The following DOCK3 variants were observed in gnomAD, a reference collection of about 807,000 sequenced individuals.
DOCK3 encodes dedicator of cytokinesis protein 3.
DOCK3 carries 60 observed loss-of-function variants against 265.6 expected under a neutral mutation model. That is an observed-to-expected ratio of 0.23 (90% CI 0.18 to 0.28). The LOEUF is 0.28. Among genes scored for constraint, DOCK3 ranks in the 10% least tolerant of loss-of-function variants. The pLI, the probability that DOCK3 is intolerant of heterozygous loss-of-function variation, is 1.00. For synonymous variants in DOCK3, 881 were observed against 938.0 expected (o/e 0.94, Z 1.11); for missense variants, 1,981 against 2,594.3 (o/e 0.76, Z 5.14).
intron 9 of DOCK3, among the ~76,000 whole-genome samples, chr3:51,115,756 C>G (rs2083707451): frequency 6.6e-6 from 1 of 152,132 alleles, no homozygotes; most frequent in Admixed American, 6.6e-5. Context: ...AGATTTTCTT[C>G]TAGGGTTTTT....
At chr3:50,808,180 G>A (rs577283076) in intron 2 of DOCK3, among the ~76,000 whole-genome samples, 21 of 152,288 alleles carry the variant, frequency 1.4e-4, no homozygotes, top group African/African-American at 4.6e-4. Flanking sequence ...AGACATTCAT[G>A]TTGAAAACTA....
rs2076777321 is a variant in DOCK3, at chr3:50,958,071, GAT to G, written c.315+23997_315+23998del. Among the ~76,000 whole-genome samples, 3 of 152,144 alleles carry G rather than the reference GAT, an allele frequency of 2.0e-5. No individual in the cohort carries two copies. In the East Asian group the frequency reaches 5.8e-4, roughly 29 times the overall value. Reference sequence around the variant, plus strand: ...TGTCACCCATAGCAATTCTTCCTTTGATATGTCTTCTAATTTCTCCTGTCTTT... The same window carrying G: ...TGTCACCCATAGCAATTCTTCCTTTGATGTCTTCTAATTTCTCCTGTCTTT... On this transcript the variant is annotated intron_variant, in intron 5 of 52. Transcript: ENST00000266037.
intron 5 of DOCK3, among the ~76,000 whole-genome samples, chr3:51,003,072 A>G (rs549870466): frequency 6.6e-6 from 1 of 152,242 alleles, no homozygotes; most frequent in Non-Finnish European, 1.5e-5. Context: ...ATGTGAATAC[A>G]TATTCCTAAC....
At chr3:51,194,907 C>A (rs1313446705) in intron 12 of DOCK3, among the ~76,000 whole-genome samples, 1 of 150,996 alleles carries the variant, frequency 6.6e-6, no homozygotes, top group Non-Finnish European at 1.5e-5. Flanking sequence ...TCACTGCAAC[C>A]TCTGCCTCCC....
chr3:50,794,311 A>G (rs1245459316), intron 2 of DOCK3, among the ~76,000 whole-genome samples: 5 of 152,100 alleles, frequency 3.3e-5, no homozygotes, highest in Admixed American at 1.3e-4. Flanking sequence ...TTGATGATCT[A>G]TTGAATACTG....
At chr3:51,059,745 C>G (rs2081343955) in intron 5 of DOCK3, among the ~76,000 whole-genome samples, 1 of 152,066 alleles carries the variant, frequency 6.6e-6, no homozygotes, top group Non-Finnish European at 1.5e-5. Flanking sequence ...TACCAGCTAC[C>G]TGTATCATTA....
At chr3:51,158,256 G>A (rs1187746757) in intron 10 of DOCK3, among the ~76,000 whole-genome samples, 2 of 152,112 alleles carry the variant, frequency 1.3e-5, no homozygotes, top group Admixed American at 1.3e-4. Context: ...CAAATAGAAT[G>A]ATTATCAGAT....
chr3:50,873,742 C>T (rs373827723), intron 3 of DOCK3, among the ~76,000 whole-genome samples: 2 of 152,244 alleles, frequency 1.3e-5, no homozygotes, highest in Middle Eastern at 3.4e-3. Context: ...AGCTATTCTC[C>T]TCTGCCTAGG....
rs368447292 is a variant in DOCK3, at chr3:51,229,550, G to A, written c.1858G>A (p.Asp620Asn). ...TCTGCTGAAGTGGAAAGCCTTCCCC[G>A]ACCGGATCATGGATGTACTAGGGCG... ...LALLKWKAFP[D>N]RIMDVLGRLR... Residue 620 changes from aspartate to asparagine, a missense_variant, in exon 19 of 53, where the codon GAC becomes AAC. By Grantham distance (23) the Asp-to-Asn change is conservative (BLOSUM62 1). This residue lies in a region of DOCK3 where 1,357 missense variants were observed against 1,866.8 expected (regional missense o/e 0.73). Transcript: ENST00000266037. The A allele has an allele frequency of 1.9e-5, 31 of 1,607,548 alleles. No homozygotes were observed. The highest frequency in any genetic ancestry group is 1.0e-4 in the Admixed American group (6 of 59,334).
chr3:51,308,804 G>C (rs542205747), intron 27 of DOCK3, among the ~76,000 whole-genome samples: 1 of 139,610 alleles, frequency 7.2e-6, no homozygotes, highest in African/African-American at 2.5e-5. Flanking sequence ...GCTGCCGGGC[G>C]GAGGGGCTCC....
intron 3 of DOCK3, chr3:50,863,355 A>G (rs2046999510): frequency 2.2e-5 from 11 of 510,672 alleles, no homozygotes; most frequent in Middle Eastern, 3.5e-4. Context: ...TGAGCTGGCT[A>G]CCCGGTTCTT....
chr3:51,109,393 T>G (rs1475897096), intron 9 of DOCK3, among the ~76,000 whole-genome samples: 1 of 152,146 alleles, frequency 6.6e-6, no homozygotes. Flanking sequence ...GGGAACTTTA[T>G]TGCACTAAAC....
At position 50,868,114 on chromosome 3, in the gene DOCK3, G is replaced by A. The variant is rs375262061; in HGVS notation, c.163-21912G>A. On this transcript the variant is annotated intron_variant, in intron 3 of 52. Coordinates refer to ENST00000266037, the MANE Select transcript of DOCK3 (RefSeq NM_004947.5). ...TTTTGAGATGGAGTCTCACTCTGTC[G>A]CCAGACTGGAGTGCAATGGCACAAT... Among the ~76,000 whole-genome samples the A allele has an allele frequency of 2.5e-3, 378 of 148,840 alleles. 3 individuals carry two copies. The highest frequency in any genetic ancestry group is 8.9e-3 in the African/African-American group (360 of 40,446).
chr3:51,059,824 A>G (rs2109222297), intron 5 of DOCK3, among the ~76,000 whole-genome samples: 2 of 152,204 alleles, frequency 1.3e-5, no homozygotes, highest in East Asian at 3.9e-4. Context: ...CCTCCTACCT[A>G]AATCAAACCC....
chr3:51,360,439 G>GT, intron 46 of DOCK3, 72 bp from the exon 47 acceptor site: 1 of 1,530,202 alleles, frequency 6.5e-7, no homozygotes, highest in Non-Finnish European at 8.9e-7. Flanking sequence ...TCACCAGTCA[G>GT]TTATTCCCTC....
Position 51,381,398 on chromosome 3 carries a change from T to G in DOCK3, c.5932T>G (p.Tyr1978Asp), listed in dbSNP as rs2088631329. Residue 1978 changes from tyrosine (Y) to aspartate (D), a missense_variant, in exon 53 of 53, where the codon TAC (tyrosine) becomes GAC (aspartate). By Grantham distance (160) the Tyr-to-Asp change is radical. This residue lies in a region of DOCK3 where 149 missense variants were observed against 144.7 expected (regional missense o/e 1.03). Transcript: ENST00000266037. This position sits in a 1 kb window ranked among gnomAD's most constrained non-coding sequence, Gnocchi z 5.6. Reference protein sequence around the residue: ...MDPPALPPKPYHPRLPALEHD... With the variant: ...MDPPALPPKPDHPRLPALEHD... ...CCCGCCTGCGCTGCCGCCCAAGCCC[T>G]ACCACCCCCGCCTGCCGGCCCTGGA... 1.9e-6 allele frequency: 3 copies of G among 1,612,158 alleles called. No individual in the cohort carries two copies. In the African/African-American group the frequency reaches 4.0e-5, roughly 22 times the overall value.
At chr3:51,206,174 C>G (rs1311925061) in intron 12 of DOCK3, among the ~76,000 whole-genome samples, 1 of 152,148 alleles carries the variant, frequency 6.6e-6, no homozygotes. Flanking sequence ...TCCTCAATAT[C>G]TGCCTTAGTG....
intron 3 of DOCK3, among the ~76,000 whole-genome samples, chr3:50,884,915 T>G (rs1444491387): frequency 2.0e-5 from 3 of 152,156 alleles, no homozygotes; most frequent in Admixed American, 2.0e-4. Flanking sequence ...GTTATTGACA[T>G]TAGGGTTTAC....
intron 1 of DOCK3, among the ~76,000 whole-genome samples, chr3:50,684,214 A>G (rs1206966579): frequency 5.3e-5 from 8 of 152,038 alleles, no homozygotes; most frequent in Admixed American, 1.3e-4. Context: ...AACCTCTAGT[A>G]TGTCATTTAT....
Sources: allele counts gnomAD v4.1 joint callset (sites outside exome capture counted in the v4.1 genomes callset), GRCh38; gene constraint gnomAD v4.1.1; regional missense constraint gnomAD v4.1.1; non-coding constraint Gnocchi (gnomAD v3.1); transcripts MANE v1.5; gene names NCBI Gene and HGNC (gene_info 2026-07-23, HGNC 2026-07-21).